The following WDR70 variants were observed in gnomAD, a reference collection of about 807,000 sequenced individuals.
The protein encoded by WDR70 is WD repeat domain 70.
Under a neutral mutation model 88.6 loss-of-function variants are expected in WDR70, and 53 were observed. The observed-to-expected ratio is 0.60, with a 90% CI of 0.48 to 0.75. The LOEUF is 0.75. Among genes scored for constraint, WDR70 ranks in the 30% least tolerant of loss-of-function variants. The pLI is 0.00. For synonymous variants in WDR70, 280 were observed against 270.0 expected (o/e 1.04, Z -0.36); for missense variants, 610 against 823.2 (o/e 0.74, Z 3.17).
At chr5:37,736,928 C>A (rs1159361981) in intron 17 of WDR70, among the ~76,000 whole-genome samples, 4 of 151,998 alleles carry the variant, frequency 2.6e-5, no homozygotes, top group African/African-American at 9.7e-5. Context: ...TTCAAATTTA[C>A]TGACTAGATT....
At chr5:37,655,627 ATTCATTTCTTTTCATTCTT>A (rs890647542) in intron 10 of WDR70, among the ~76,000 whole-genome samples, 2 of 151,246 alleles carry the variant, frequency 1.3e-5, no homozygotes, top group African/African-American at 4.9e-5. Context: ...TGGAGGCTTT[ATTCATTTCTTTTCATTCTT>A]TTTTCTCTAA....
intron 8 of WDR70, chr5:37,506,479 C>G: frequency 1.3e-6 from 1 of 768,976 alleles, no homozygotes; most frequent in Non-Finnish European, 2.4e-6. Flanking sequence ...TGCTTATTTC[C>G]CCAGACACCT....
rs1421711050 is a variant in WDR70 at position 37,647,322 on chromosome 5, T to C, written c.1092+42084T>C. 3.9e-5 allele frequency among the ~76,000 whole-genome samples: 6 copies of C among 152,232 alleles called. No homozygotes were observed. The East Asian group carries it at 1.2e-3, about 29-fold the overall frequency. On this transcript the variant is annotated intron_variant, in intron 10 of 17. Coordinates refer to ENST00000265107, the MANE Select transcript of WDR70 (RefSeq NM_018034.4). ...ATTCCTCAAAACAGCTATTTTGAAT[T>C]CTCCATCTGAAAGGTTACATATCTC...
chr5:37,424,157 A>G (rs1750044525), intron 5 of WDR70, among the ~76,000 whole-genome samples: 1 of 149,734 alleles, frequency 6.7e-6, no homozygotes, highest in Non-Finnish European at 1.5e-5. Context: ...TCAAAAAAAA[A>G]AAAAAAAAAA....
intron 6 of WDR70, among the ~76,000 whole-genome samples, chr5:37,439,518 C>T (rs1413129775): frequency 2.0e-5 from 3 of 151,572 alleles, no homozygotes; most frequent in East Asian, 1.9e-4. Context: ...TTCCTTTTTT[C>T]GTAAATCAAG....
chr5:37,577,708 T>A (rs893658086), intron 9 of WDR70, among the ~76,000 whole-genome samples: 3 of 152,134 alleles, frequency 2.0e-5, no homozygotes, highest in African/African-American at 7.2e-5. Flanking sequence ...AACAGTTGTG[T>A]TAATGCTGAC....
intron 10 of WDR70, among the ~76,000 whole-genome samples, chr5:37,672,316 C>T (rs56279820): frequency 0.032 from 4,794 of 152,034 alleles, 102 homozygotes; most frequent in Middle Eastern, 0.12. Flanking sequence ...ACCCGTGAAG[C>T]GTCTGTGCTG....
chr5:37,713,788 C>T (rs561907947), intron 13 of WDR70, among the ~76,000 whole-genome samples: 5 of 152,286 alleles, frequency 3.3e-5, no homozygotes, highest in East Asian at 1.9e-4. Flanking sequence ...ACCCTAGCAC[C>T]GTATCACATC....
At position 37,694,766 on chromosome 5, in the gene WDR70, A is replaced by G. The variant is rs374060996; in HGVS notation, c.1093-2889A>G. 2.9e-4 allele frequency among the ~76,000 whole-genome samples: 44 copies of G among 152,194 alleles called. 2 individuals carry two copies. In the South Asian group the frequency reaches 8.9e-3, roughly 31 times the overall value. On this transcript the variant is annotated intron_variant, in intron 10 of 17. Transcript: ENST00000265107. ...ATGTAAATGATGAGTTGATGGGTGC[A>G]GCAAACCACCATGGCACATGTATAC...
At chr5:37,412,997 CA>C (rs774619693) in intron 5 of WDR70, among the ~76,000 whole-genome samples, 8 of 151,920 alleles carry the variant, frequency 5.3e-5, no homozygotes, top group Admixed American at 1.3e-4. Flanking sequence ...AAGTTGACTT[CA>C]ATTAAAGAAG....
At chr5:37,636,229 A>C (rs1407556348) in intron 10 of WDR70, among the ~76,000 whole-genome samples, 1 of 152,206 alleles carries the variant, frequency 6.6e-6, no homozygotes, top group Non-Finnish European at 1.5e-5. Context: ...ATCAGGGGCA[A>C]GTCTGTGAAC....
At chr5:37,423,805 G>A (rs1266331203) in intron 5 of WDR70, among the ~76,000 whole-genome samples, 5 of 147,212 alleles carry the variant, frequency 3.4e-5, no homozygotes, top group Non-Finnish European at 6.0e-5. Flanking sequence ...CTCGTGGTCC[G>A]CCCGCCTCGG....
At chr5:37,748,384 T>C (rs1476199387) in intron 17 of WDR70, among the ~76,000 whole-genome samples, 6 of 152,180 alleles carry the variant, frequency 3.9e-5, no homozygotes, top group Admixed American at 2.0e-4. Flanking sequence ...ATTCAGTAAA[T>C]GGTGCTGGGA....
Position 37,611,796 on chromosome 5 carries a change from T to TAA in WDR70, c.1092+6566_1092+6567dup, listed in dbSNP as rs77585864. 4.6e-3 allele frequency among the ~76,000 whole-genome samples: 673 copies of TAA among 146,070 alleles called. 5 individuals carry two copies. The highest frequency in any genetic ancestry group is 0.013 in the African/African-American group (512 of 39,908). ...TGATTTCAGCCTTTTTTTTTTTTTT[T>TAA]AAAAAAAAACTTCTTTGACATACCA... On this transcript the variant is annotated intron_variant, in intron 10 of 17. Coordinates refer to ENST00000265107, the MANE Select transcript of WDR70 (RefSeq NM_018034.4).
chr5:37,477,939 G>A (rs180756838), intron 7 of WDR70, among the ~76,000 whole-genome samples: 12 of 152,274 alleles, frequency 7.9e-5, no homozygotes, highest in Non-Finnish European at 1.5e-5. Context: ...TCTAAAGGCT[G>A]GAAAATTAAT....
At chr5:37,448,469 T>C (rs1209472970) in intron 7 of WDR70, among the ~76,000 whole-genome samples, 2 of 152,206 alleles carry the variant, frequency 1.3e-5, no homozygotes, top group East Asian at 1.9e-4. Context: ...GTAGAAAATA[T>C]AGACGCGTAT....
At chr5:37,396,351 G>T in intron 4 of WDR70, 24 bp from the exon 5 acceptor site, 1 of 1,582,434 alleles carries the variant, frequency 6.3e-7, no homozygotes, top group Non-Finnish European at 8.6e-7. Context: ...CAGAGGCAAA[G>T]AGTTTCTGTT....
At chr5:37,639,678 T>C (rs1298760023) in intron 10 of WDR70, among the ~76,000 whole-genome samples, 2 of 152,150 alleles carry the variant, frequency 1.3e-5, no homozygotes, top group Non-Finnish European at 2.9e-5. Flanking sequence ...CTCTTTTGGC[T>C]TGATTTCTAT....
intron 10 of WDR70, among the ~76,000 whole-genome samples, chr5:37,621,002 T>G (rs985398934): frequency 2.0e-5 from 3 of 151,880 alleles, no homozygotes; most frequent in Non-Finnish European, 2.9e-5. Flanking sequence ...TGCCTCAGGA[T>G]TTTTGCCTAA....
Sources: allele counts gnomAD v4.1 joint callset (sites outside exome capture counted in the v4.1 genomes callset), GRCh38; gene constraint gnomAD v4.1.1; transcripts MANE v1.5; gene names NCBI Gene and HGNC (gene_info 2026-07-23, HGNC 2026-07-21).